Variants in SPTBN1 observed in about 807,000 individuals in gnomAD.
The protein encoded by SPTBN1 is spectrin beta chain, non-erythrocytic 1.
A neutral mutation model predicts 266.4 loss-of-function variants in SPTBN1; 32 were observed. That is an observed-to-expected ratio of 0.12 (90% CI 0.09 to 0.16). The LOEUF is 0.16. Ranked by LOEUF, SPTBN1 falls within the 10% of genes least tolerant of loss-of-function variation. The pLI is 1.00. For synonymous variants in SPTBN1, 1,336 were observed against 1,162.2 expected (o/e 1.15, Z -3.04); for missense variants, 2,296 against 3,067.1 (o/e 0.75, Z 5.94).
chr2:54,547,400 G>A (rs1269699336), intron 2 of SPTBN1, among the ~76,000 whole-genome samples: 3 of 151,372 alleles, frequency 2.0e-5, no homozygotes, highest in Non-Finnish European at 4.4e-5. Flanking sequence ...TTGCTATTGC[G>A]AATGATACTG....
At chr2:54,596,875 A>G (rs1294109780) in intron 2 of SPTBN1, among the ~76,000 whole-genome samples, 1 of 152,172 alleles carries the variant, frequency 6.6e-6, no homozygotes, top group African/African-American at 2.4e-5. Context: ...TCTTTAGGAC[A>G]GGGCACTAAG....
At chr2:54,580,467 T>C (rs1674816816) in intron 2 of SPTBN1, among the ~76,000 whole-genome samples, 1 of 152,168 alleles carries the variant, frequency 6.6e-6, no homozygotes, top group African/African-American at 2.4e-5. Flanking sequence ...TTTCTCCACA[T>C]TATCAGGAAA....
chr2:54,623,617 G>T, intron 10 of SPTBN1, 21 bp downstream of exon 10: 3 of 1,593,606 alleles, frequency 1.9e-6, no homozygotes, highest in Non-Finnish European at 2.6e-6. Context: ...TCTGGACTCT[G>T]CATGGGCCCT....
intron 1 of SPTBN1, among the ~76,000 whole-genome samples, chr2:54,511,208 T>A (rs974041925): frequency 6.6e-5 from 10 of 152,248 alleles, no homozygotes; most frequent in Non-Finnish European, 1.3e-4. Context: ...TATACTCATG[T>A]TTAGATATTC....
Position 54,647,298 on chromosome 2 carries a change from G to A in SPTBN1, c.4997+37G>A, listed in dbSNP as rs1475522043. 5.6e-6 allele frequency: 9 copies of A among 1,607,652 alleles called. No individual in the cohort carries two copies. The East Asian group carries it at 8.9e-5, about 16-fold the overall frequency. On this transcript the variant is annotated intron_variant, in intron 24 of 35. Coordinates refer to ENST00000356805, the MANE Select transcript of SPTBN1 (RefSeq NM_003128.3). ...TTCATGAGTGTGAGACCCGGCTCTC[G>A]ATTCCTCTCAGTTAGGGTCTCTTGC...
chr2:54,509,956 C>CTTTTTTT (rs5831312), intron 1 of SPTBN1, among the ~76,000 whole-genome samples: 1 of 131,634 alleles, frequency 7.6e-6, no homozygotes, highest in Non-Finnish European at 1.6e-5. Context: ...TGCTTTCTTT[C>CTTTTTTT]TTTTTTTTTT....
chr2:54,582,831 C>G (rs1002465394), intron 2 of SPTBN1, among the ~76,000 whole-genome samples: 1 of 152,180 alleles, frequency 6.6e-6, no homozygotes, highest in Non-Finnish European at 1.5e-5. Context: ...ACTGCTGGGA[C>G]TGTGCTTGCT....
chr2:54,510,787 G>C (rs1169717200), intron 1 of SPTBN1, among the ~76,000 whole-genome samples: 1 of 152,220 alleles, frequency 6.6e-6, no homozygotes, highest in African/African-American at 2.4e-5. Context: ...AGAGTGGTCT[G>C]GATGCCCTGA....
intron 1 of SPTBN1, among the ~76,000 whole-genome samples, chr2:54,486,221 A>T (rs1446156383): frequency 6.6e-6 from 1 of 152,072 alleles, no homozygotes; most frequent in Admixed American, 6.5e-5. Context: ...TGGGAGGTGT[A>T]CCCAACAGCT....
At position 54,628,894 on chromosome 2, in the gene SPTBN1, T is replaced by A; in HGVS notation, c.1799-39T>A. On this transcript the variant is annotated intron_variant, in intron 13 of 35. Coordinates refer to ENST00000356805, the MANE Select transcript of SPTBN1 (RefSeq NM_003128.3). This position sits in a 1 kb window ranked among gnomAD's most constrained non-coding sequence, Gnocchi z 4.3. ...CAGTGAGCCTGCACCCATGCTGAGC[T>A]CCCTCACACAGCCACGTTCCTTCCT... is the stretch of plus-strand genomic sequence containing the variant. 1 of 1,539,114 alleles carries A rather than the reference T, an allele frequency of 6.5e-7. No individual in the cohort carries two copies. Among genetic ancestry groups the A allele is most frequent in the South Asian group, 1.3e-5 (1 of 77,954 alleles).
At position 54,646,363 on chromosome 2, in the gene SPTBN1, A is replaced by T; in HGVS notation, c.4754A>T (p.His1585Leu). 6.2e-7 allele frequency: 1 copy of T among 1,613,806 alleles called. No individual in the cohort carries two copies. Among genetic ancestry groups the T allele is most frequent in the Non-Finnish European group, 8.5e-7 (1 of 1,179,836 alleles). The change falls in exon 23 of 36, where the codon CAC becomes CTC. Residue 1585 changes from histidine to leucine, a missense_variant. This residue lies in a region of SPTBN1 where 644 missense variants were observed against 745.3 expected (regional missense o/e 0.86). Coordinates refer to ENST00000356805, the MANE Select transcript of SPTBN1 (RefSeq NM_003128.3). This position sits in a 1 kb window ranked among gnomAD's most constrained non-coding sequence, Gnocchi z 4.4. Reference sequence around the variant, plus strand: ...CTCATTGAGGAGACAGAGAAACGCCACAGGCGGCTGGAGGAGGCGCACAGG... The same window carrying T: ...CTCATTGAGGAGACAGAGAAACGCCTCAGGCGGCTGGAGGAGGCGCACAGG... Reference protein sequence around the residue: ...GLLIEETEKRHRRLEEAHRAQ... With the variant: ...GLLIEETEKRLRRLEEAHRAQ...
chr2:54,661,824 A>G (rs1325871453), intron 32 of SPTBN1: 3 of 985,358 alleles, frequency 3.0e-6, no homozygotes, highest in Admixed American at 6.1e-5. Context: ...CCTCCAAAAA[A>G]GGAACCACAT....
intron 31 of SPTBN1, 74 bp from the exon 32 acceptor site, chr2:54,659,862 C>G (rs949890732): frequency 6.5e-7 from 1 of 1,542,962 alleles, no homozygotes; most frequent in Non-Finnish European, 8.7e-7. Context: ...ATGATGTTCT[C>G]CCACCCTTTC....
At chr2:54,514,682 T>C (rs1204055538) in intron 1 of SPTBN1, among the ~76,000 whole-genome samples, 3 of 152,226 alleles carry the variant, frequency 2.0e-5, no homozygotes, top group Non-Finnish European at 4.4e-5. Flanking sequence ...TCTAATTCTT[T>C]AGTACAGAGA....
At chr2:54,465,460 A>G (rs115791317) in intron 1 of SPTBN1, among the ~76,000 whole-genome samples, 1,550 of 152,230 alleles carry the variant, frequency 0.01, 36 homozygotes, top group African/African-American at 0.036. Flanking sequence ...TAAAATAAAA[A>G]TCACTTCAGA....
intron 1 of SPTBN1, among the ~76,000 whole-genome samples, chr2:54,519,778 G>A (rs1200631111): frequency 6.6e-6 from 1 of 152,180 alleles, no homozygotes; most frequent in African/African-American, 2.4e-5. Flanking sequence ...TACAATGAGA[G>A]ATGAGGAGCT....
chr2:54,549,385 GA>G (rs1203577980), intron 2 of SPTBN1, among the ~76,000 whole-genome samples: 1 of 151,984 alleles, frequency 6.6e-6, no homozygotes, highest in Non-Finnish European at 1.5e-5. Flanking sequence ...CATATGACAG[GA>G]TTTCCTTGCT....
At chr2:54,585,632 A>T (rs1233384025) in intron 2 of SPTBN1, among the ~76,000 whole-genome samples, 1 of 152,264 alleles carries the variant, frequency 6.6e-6, no homozygotes, top group African/African-American at 2.4e-5. Flanking sequence ...TATCTTTAAA[A>T]TAATTGAATG....
At chr2:54,624,026 T>C (rs1447778140) in intron 10 of SPTBN1, among the ~76,000 whole-genome samples, 1 of 152,274 alleles carries the variant, frequency 6.6e-6, no homozygotes, top group Non-Finnish European at 1.5e-5. Context: ...ATCATGCCTA[T>C]TATGCCTGCA....
Sources: gnomAD v4.1 joint callset for allele counts (sites outside exome capture counted in the v4.1 genomes callset) on GRCh38, gnomAD v4.1.1 for gene constraint, gnomAD v4.1.1 regional missense constraint, Gnocchi (gnomAD v3.1) non-coding constraint, MANE v1.5 for transcripts, NCBI Gene and HGNC (gene_info 2026-07-23, HGNC 2026-07-21) for gene names.